The following RPAP2 variants were observed in gnomAD, a reference collection of about 807,000 sequenced individuals.
The protein encoded by RPAP2 is RNA polymerase II associated protein 2.
Under a neutral mutation model 73.1 loss-of-function variants are expected in RPAP2, and 52 were observed. The observed-to-expected ratio is 0.71, with a 90% CI of 0.57 to 0.90. The LOEUF (loss-of-function observed/expected upper bound fraction) is 0.90. Among genes scored for constraint, RPAP2 ranks in the 40% least tolerant of loss-of-function variants. The pLI is 0.00. For missense variants in RPAP2, 598 were observed against 701.8 expected (o/e 0.85, Z 1.67); for synonymous variants, 225 against 242.1 (o/e 0.93, Z 0.65).
intron 5 of RPAP2, among the ~76,000 whole-genome samples, chr1:92,306,692 A>G (rs1031259818): frequency 6.6e-6 from 1 of 152,080 alleles, no homozygotes; most frequent in Non-Finnish European, 1.5e-5. Flanking sequence ...AAAAAATAAA[A>G]TAGCCAGGTG....
chr1:92,388,535 C>G lies in RPAP2; in HGVS notation c.*1524C>G, dbSNP rs1476280074. ...GACTGGCTGGACAGTGGGTGTAGCC[C>G]ACAGAGGGTTAGCCGAAGCAAGGTG... is the stretch of plus-strand genomic sequence containing the variant. On this transcript the variant is annotated 3_prime_UTR_variant, in exon 13 of 13. Transcript: ENST00000610020. The G allele has an allele frequency of 6.6e-6, 1 of 152,260 alleles. No individual in the cohort carries two copies. The highest frequency in any genetic ancestry group is 1.5e-5 in the Non-Finnish European group (1 of 68,068). 9.4% of individuals were successfully genotyped at this position (152,260 alleles called of 1,614,324 possible). A position where few individuals can be genotyped will look rare whatever the true frequency, so the allele number is the denominator to read the frequency against.
chr1:92,321,689 T>A (rs1652274063), intron 7 of RPAP2, among the ~76,000 whole-genome samples: 1 of 152,102 alleles, frequency 6.6e-6, no homozygotes, highest in South Asian at 2.1e-4. Flanking sequence ...GGAAAACTTT[T>A]GTCTTTTATT....
intron 6 of RPAP2, among the ~76,000 whole-genome samples, chr1:92,317,809 A>T (rs72958796): frequency 6.6e-6 from 1 of 152,146 alleles, no homozygotes; most frequent in African/African-American, 2.4e-5. Context: ...AAAAATAACA[A>T]GTTGTATAGC....
At chr1:92,312,735 T>G (rs1651665507) in intron 6 of RPAP2, among the ~76,000 whole-genome samples, 1 of 152,182 alleles carries the variant, frequency 6.6e-6, no homozygotes, top group Non-Finnish European at 1.5e-5. Flanking sequence ...AGTCATCCAT[T>G]AGGGTTACAA....
chr1:92,299,554 C>G (rs545054169), intron 1 of RPAP2, among the ~76,000 whole-genome samples: 1 of 152,238 alleles, frequency 6.6e-6, no homozygotes, highest in East Asian at 1.9e-4. Flanking sequence ...CCCTCTTCCC[C>G]CAGAGAGGAC....
At chr1:92,317,985 C>G (rs1460664979) in intron 6 of RPAP2, among the ~76,000 whole-genome samples, 1 of 152,196 alleles carries the variant, frequency 6.6e-6, no homozygotes, top group East Asian at 1.9e-4. Context: ...ACCACAACCT[C>G]TATCTCAATC....
chr1:92,344,341 G>A (rs1653764291), intron 10 of RPAP2, among the ~76,000 whole-genome samples: 1 of 152,070 alleles, frequency 6.6e-6, no homozygotes. Context: ...GGAGGTGGAG[G>A]TTGCAGTGAG....
At chr1:92,356,699 T>A (rs1272247120) in intron 11 of RPAP2, among the ~76,000 whole-genome samples, 1 of 151,320 alleles carries the variant, frequency 6.6e-6, no homozygotes, top group Non-Finnish European at 1.5e-5. Flanking sequence ...CCTTCCGAAG[T>A]GCTGGGATTA....
At chr1:92,368,985 T>C (rs1012794307) in intron 11 of RPAP2, among the ~76,000 whole-genome samples, 19 of 152,252 alleles carry the variant, frequency 1.2e-4, no homozygotes, top group Admixed American at 9.8e-4. Context: ...TTGTGATTTA[T>C]ACATTGTAAG....
intron 12 of RPAP2, among the ~76,000 whole-genome samples, chr1:92,385,013 A>T (rs1024681072): frequency 7.3e-5 from 11 of 151,596 alleles, no homozygotes; most frequent in Admixed American, 4.6e-4. Context: ...AAATAAAAAA[A>T]TTAGTCAGAT....
chr1:92,329,691 C>T (rs1052001341), intron 8 of RPAP2, among the ~76,000 whole-genome samples: 11 of 152,166 alleles, frequency 7.2e-5, no homozygotes, highest in Non-Finnish European at 1.6e-4. Flanking sequence ...TTTTCCCAGA[C>T]CTAACATTTA....
chr1:92,319,936 T>A (rs1383658712), intron 6 of RPAP2, among the ~76,000 whole-genome samples: 1 of 151,242 alleles, frequency 6.6e-6, no homozygotes, highest in African/African-American at 2.4e-5. Context: ...AGGCAGAGGT[T>A]ATGGTGAGCT....
intron 8 of RPAP2, among the ~76,000 whole-genome samples, chr1:92,332,179 G>A (rs1162235782): frequency 6.6e-6 from 1 of 151,720 alleles, no homozygotes; most frequent in African/African-American, 2.4e-5. Flanking sequence ...TGTTTGGGGA[G>A]TGGTGACTGT....
intron 11 of RPAP2, among the ~76,000 whole-genome samples, chr1:92,377,143 C>T (rs183470388): frequency 1.3e-5 from 2 of 152,020 alleles, no homozygotes; most frequent in Non-Finnish European, 2.9e-5. Flanking sequence ...TATTATCAGC[C>T]CCATTTTATA....
Position 92,390,696 on chromosome 1 carries a change from G to A in RPAP2, c.*3685G>A, listed in dbSNP as rs1656012116. ...ATAGGCTCAGAATAAAAGGATGTAGGAAGATTTACCAAGCAAATGGAAAGC... is the reference window on the plus strand; with the variant it reads ...ATAGGCTCAGAATAAAAGGATGTAGAAAGATTTACCAAGCAAATGGAAAGC... On this transcript the variant is annotated 3_prime_UTR_variant, in exon 13 of 13. Coordinates refer to ENST00000610020, the MANE Select transcript of RPAP2 (RefSeq NM_024813.3). The A allele has an allele frequency of 6.6e-6, 1 of 152,154 alleles. No individual in the cohort carries two copies. Among genetic ancestry groups the A allele is most frequent in the Admixed American group, 6.5e-5 (1 of 15,268 alleles). The allele number at this position is 152,154 out of a possible 1,614,324, so 9.4% of individuals were successfully genotyped here.
rs1053081313 is a variant in RPAP2, at chr1:92,357,999, C to T, written c.1688+12085C>T. On this transcript the variant is annotated intron_variant, in intron 11 of 12. Transcript: ENST00000610020. Reference sequence around the variant, plus strand: ...TGCGGTGCAGTGGCGTGATCATAGCCCACTGTAACCTCAAACTCCTGGGTT... The same window carrying T: ...TGCGGTGCAGTGGCGTGATCATAGCTCACTGTAACCTCAAACTCCTGGGTT... Among the ~76,000 whole-genome samples the T allele has an allele frequency of 3.3e-5, 5 of 152,076 alleles. No homozygotes were observed. In the East Asian group the frequency reaches 9.6e-4, roughly 29 times the overall value.
intron 11 of RPAP2, among the ~76,000 whole-genome samples, chr1:92,361,841 C>T (rs953144746): frequency 7.5e-6 from 1 of 133,748 alleles, no homozygotes; most frequent in Non-Finnish European, 1.6e-5. Flanking sequence ...CTTCCATGGA[C>T]GTAACTGTTT....
chr1:92,300,562 C>G (rs1048262713), intron 2 of RPAP2, among the ~76,000 whole-genome samples: 10 of 152,210 alleles, frequency 6.6e-5, no homozygotes, highest in Non-Finnish European at 1.3e-4. Flanking sequence ...TTCGCTGTCA[C>G]TCCAAGAAAC....
Position 92,383,353 on chromosome 1 carries a change from C to T in RPAP2, c.1838+2480C>T, listed in dbSNP as rs1475087433. On this transcript the variant is annotated intron_variant, in intron 12 of 12. Transcript: ENST00000610020. ...GGATGGCATTGAATCTATAAATTAC[C>T]TTGGGCAGTATGGCCATTTTCACGA... Among the ~76,000 whole-genome samples the T allele has an allele frequency of 7.3e-4, 111 of 152,298 alleles. 1 individual carries two copies. Among genetic ancestry groups the T allele is most frequent in the Admixed American group, 7.1e-3 (109 of 15,298 alleles).
Sources: gnomAD v4.1 joint callset for allele counts (sites outside exome capture counted in the v4.1 genomes callset) on GRCh38, gnomAD v4.1.1 for gene constraint, MANE v1.5 for transcripts, NCBI Gene and HGNC (gene_info 2026-07-23, HGNC 2026-07-21) for gene names.